QTRT2: variants seen among roughly 807,000 people sequenced by gnomAD.
QTRT2 encodes queuine tRNA-ribosyltransferase accessory subunit 2, also known as queuine tRNA-ribosyltransferase domain containing 1.
QTRT2 carries 32 observed loss-of-function variants against 44.8 expected under a neutral mutation model. The ratio of observed to expected loss-of-function variants is 0.71; its 90% confidence interval spans 0.54 to 0.96. The LOEUF (loss-of-function observed/expected upper bound fraction) is 0.96. QTRT2 is among the 40% of genes least tolerant of loss of function. The pLI, the probability that QTRT2 is intolerant of heterozygous loss-of-function variation, is 0.00. For missense variants in QTRT2, 461 were observed against 503.1 expected (o/e 0.92, Z 0.80); for synonymous variants, 182 against 187.4 (o/e 0.97, Z 0.24).
chr3:114,084,619 T>G (rs2077212760), intron 9 of QTRT2, among the ~76,000 whole-genome samples: 1 of 152,182 alleles, frequency 6.6e-6, no homozygotes, highest in South Asian at 2.1e-4. Context: ...TATGCAGTGC[T>G]TAGGCCTAGT....
chr3:114,073,024 A>G (rs1461592120), intron 6 of QTRT2, among the ~76,000 whole-genome samples: 1 of 152,246 alleles, frequency 6.6e-6, no homozygotes, highest in Non-Finnish European at 1.5e-5. Context: ...GAACATCATT[A>G]TATTGAATTT....
intron 2 of QTRT2, among the ~76,000 whole-genome samples, chr3:114,058,811 G>A (rs547239698): frequency 2.0e-5 from 3 of 152,278 alleles, no homozygotes; most frequent in Admixed American, 6.5e-5. Flanking sequence ...GATTACAGGC[G>A]TGAGCCACCG....
intron 7 of QTRT2, chr3:114,077,200 C>A: frequency 2.1e-6 from 1 of 467,368 alleles, no homozygotes; most frequent in Non-Finnish European, 3.9e-6. Context: ...TAAGTGAGAG[C>A]AAGTATTATA....
In QTRT2 at chr3:114,088,271, T is replaced by C. The variant is rs1172113371; in HGVS notation, c.*2367T>C. On this transcript the variant is annotated 3_prime_UTR_variant, in exon 10 of 10. Coordinates refer to ENST00000281273, the MANE Select transcript of QTRT2 (RefSeq NM_024638.4). ...CTGGGTCTTTTTCTTATTAGCACAT[T>C]TGAGAAAAATATTCCTTTCCTTTAT... The C allele has an allele frequency of 6.6e-6, 1 of 152,206 alleles. No homozygotes were observed. The highest frequency in any genetic ancestry group is 1.9e-4 in the East Asian group (1 of 5,190). 9.4% of individuals were successfully genotyped at this position (152,206 alleles called of 1,614,324 possible).
intron 2 of QTRT2, among the ~76,000 whole-genome samples, chr3:114,062,467 G>C (rs1199209532): frequency 6.6e-6 from 1 of 151,896 alleles, no homozygotes; most frequent in Non-Finnish European, 1.5e-5. Context: ...CCTAGTCTCA[G>C]ACTGATTACA....
In QTRT2 at chr3:114,070,630, T is replaced by C; in HGVS notation, c.338T>C (p.Val113Ala). 6.2e-7 allele frequency: 1 copy of C among 1,613,994 alleles called. No homozygotes were observed. Among genetic ancestry groups the C allele is most frequent in the East Asian group, 2.2e-5 (1 of 44,884 alleles). The change falls in exon 6 of 10, where the codon GTG becomes GCG. Residue 113 changes from valine to alanine, a missense_variant. Physicochemically the swap from Val to Ala is moderately conservative, Grantham distance 64 (BLOSUM62 0). Transcript: ENST00000281273. Reference sequence around the variant, plus strand: ...CATCATTTTGCTCCATGGCAGTCTGTGTCTGTGTGGAGTGTTGCAGGACGA... The same window carrying C: ...CATCATTTTGCTCCATGGCAGTCTGCGTCTGTGTGGAGTGTTGCAGGACGA... ...CPAGYVTNKS[V>A]SVWSVAGRVE...
chr3:114,085,085 A>C (rs1577554825), intron 9 of QTRT2, among the ~76,000 whole-genome samples: 1 of 152,154 alleles, frequency 6.6e-6, no homozygotes, highest in East Asian at 1.9e-4. Flanking sequence ...GATTAGTAAT[A>C]CTCAACATGA....
chr3:114,065,589 G>A (rs1283579276), intron 3 of QTRT2, 132 bp downstream of exon 3: 1 of 712,208 alleles, frequency 1.4e-6, no homozygotes, highest in African/African-American at 1.8e-5. Context: ...TCAGAAGAGA[G>A]GTTTCAAATA....
intron 9 of QTRT2, among the ~76,000 whole-genome samples, chr3:114,085,412 T>A (rs556234903): frequency 6.6e-6 from 1 of 152,312 alleles, no homozygotes; most frequent in East Asian, 1.9e-4. Flanking sequence ...TTCGCCATAT[T>A]GGCCAGGCTG....
intron 6 of QTRT2, among the ~76,000 whole-genome samples, chr3:114,073,726 C>G (rs1283165878): frequency 6.6e-6 from 1 of 150,578 alleles, no homozygotes; most frequent in African/African-American, 2.5e-5. Flanking sequence ...TCTCCATACC[C>G]TTTATTATTG....
At chr3:114,063,851 A>G (rs552191884) in intron 2 of QTRT2, among the ~76,000 whole-genome samples, 1 of 152,312 alleles carries the variant, frequency 6.6e-6, no homozygotes, top group South Asian at 2.1e-4. Flanking sequence ...AATGATAGAT[A>G]TGTCTTATTT....
chr3:114,070,395 A>G (rs1284298740), intron 5 of QTRT2, among the ~76,000 whole-genome samples: 2 of 152,120 alleles, frequency 1.3e-5, no homozygotes, highest in Non-Finnish European at 2.9e-5. Context: ...AGAGCAGAAG[A>G]TGTTAGAAAA....
intron 8 of QTRT2, among the ~76,000 whole-genome samples, chr3:114,081,187 TGATTAGGAAAAAG>T (rs563012224): frequency 1.0e-3 from 158 of 152,324 alleles, no homozygotes; most frequent in African/African-American, 3.4e-3. Flanking sequence ...AATTTCTTCA[TGATTAGGAAAAAG>T]GAAATAGTTT....
chr3:114,059,753 A>T (rs1269457922), intron 2 of QTRT2, among the ~76,000 whole-genome samples: 1 of 152,162 alleles, frequency 6.6e-6, no homozygotes, highest in African/African-American at 2.4e-5. Context: ...TCTTAAACCC[A>T]GTCATCTGCT....
intron 8 of QTRT2, among the ~76,000 whole-genome samples, chr3:114,082,038 A>G (rs545060594): frequency 6.6e-6 from 1 of 152,308 alleles, no homozygotes; most frequent in East Asian, 1.9e-4. Flanking sequence ...GGAACAATTC[A>G]GGTTGCCATT....
intron 3 of QTRT2, among the ~76,000 whole-genome samples, 165 bp from the exon 4 acceptor site, chr3:114,066,063 A>T (rs1407450382): frequency 6.6e-6 from 1 of 152,228 alleles, no homozygotes; most frequent in African/African-American, 2.4e-5. Flanking sequence ...CGTTCTGGCT[A>T]ATGAACCTAG....
chr3:114,081,515 T>C (rs569602353), intron 8 of QTRT2, among the ~76,000 whole-genome samples: 41 of 152,310 alleles, frequency 2.7e-4, no homozygotes, highest in African/African-American at 9.9e-4. Context: ...TAAAGTTTAA[T>C]TTGTTTAACT....
intron 2 of QTRT2, among the ~76,000 whole-genome samples, chr3:114,060,874 A>G (rs1185807849): frequency 6.6e-6 from 1 of 152,172 alleles, no homozygotes; most frequent in Non-Finnish European, 1.5e-5. Flanking sequence ...GTGACGGTTG[A>G]TCTGATCAAT....
In QTRT2 at chr3:114,080,067, T is replaced by C. The variant is rs777729082; in HGVS notation, c.898+10T>C. The C allele has an allele frequency of 2.5e-6, 4 of 1,579,252 alleles. No homozygotes were observed. In the Admixed American group the frequency reaches 7.5e-5, roughly 30 times the overall value. On this transcript the variant is annotated intron_variant, in intron 8 of 9. Transcript: ENST00000281273. ...AATCCTGAAGAGACACGTAAGTCTT[T>C]TGAAGTTTATCTCTTATCCTTAAGT...
Sources: allele counts gnomAD v4.1 joint callset (sites outside exome capture counted in the v4.1 genomes callset), GRCh38; gene constraint gnomAD v4.1.1; transcripts MANE v1.5; gene names NCBI Gene and HGNC (gene_info 2026-07-23, HGNC 2026-07-21).